Variants in JAG1 observed in about 807,000 individuals in gnomAD.
JAG1 encodes jagged canonical Notch ligand 1.
Under a neutral mutation model 148.7 loss-of-function variants are expected in JAG1, and 23 were observed. The observed-to-expected ratio is 0.15, with a 90% confidence interval of 0.11 to 0.22. The LOEUF (loss-of-function observed/expected upper bound fraction) is 0.22, where lower values mean the gene tolerates loss of function less well. JAG1 is among the 10% of genes least tolerant of loss of function. The pLI, the probability that JAG1 is intolerant of heterozygous loss-of-function variation, is 1.00. For synonymous variants in JAG1, 572 were observed against 598.3 expected (o/e 0.96, Z 0.64); for missense variants, 1,054 against 1,611.2 (o/e 0.65, Z 5.92).
chr20:10,647,812 G>A, intron 13 of JAG1, 148 bp downstream of exon 13: 1 of 864,744 alleles, frequency 1.2e-6, no homozygotes. Context: ...TCCACGTGTT[G>A]CGGCCCGCTA....
intron 18 of JAG1, chr20:10,644,658 G>A: frequency 3.1e-6 from 2 of 643,404 alleles, no homozygotes; most frequent in Non-Finnish European, 5.6e-6. Flanking sequence ...GCTGGGAACT[G>A]AGACGCCATC....
Position 10,648,738 on chromosome 20 carries a change from G to C in JAG1, c.1396-16C>G, listed in dbSNP as rs374325017. 6.2e-7 allele frequency: 1 copy of C among 1,612,888 alleles called. No homozygotes were observed. The highest frequency in any genetic ancestry group is 8.5e-7 in the Non-Finnish European group (1 of 1,178,806). ...TAACCAAATCCTAGAAGAGGAGAAGGGGAGAGAGAGACACATGCTTTTTTT... is the reference window on the plus strand; with the variant it reads ...TAACCAAATCCTAGAAGAGGAGAAGCGGAGAGAGAGACACATGCTTTTTTT... On this transcript the variant is annotated splice_polypyrimidine_tract_variant and intron_variant, in intron 11 of 25. Transcript: ENST00000254958.
At chr20:10,661,383 C>A (rs2067416178) in intron 3 of JAG1, among the ~76,000 whole-genome samples, 1 of 152,110 alleles carries the variant, frequency 6.6e-6, no homozygotes, top group Admixed American at 6.5e-5. Flanking sequence ...CAGCTTCTGC[C>A]CTGTGGAGTG....
intron 5 of JAG1, among the ~76,000 whole-genome samples, chr20:10,654,638 C>T (rs952146800): frequency 6.6e-6 from 1 of 152,164 alleles, no homozygotes. Flanking sequence ...ACTTCCTCAG[C>T]GTGAAGGTTC....
rs2122604149 is a variant in JAG1 at position 10,645,805 on chromosome 20, G to T, written c.1999+166C>A. ...GCTCCTCCCCATAAGCTATCATCAG[G>T]ACTCATAAATGCAAATGAGACACAA... On this transcript the variant is annotated intron_variant, in intron 15 of 25. Transcript: ENST00000254958. This position sits in a 1 kb window ranked among gnomAD's most constrained non-coding sequence, Gnocchi z 6.1. 1.5e-6 allele frequency: 1 copy of T among 683,258 alleles called. No homozygotes were observed. The highest frequency in any genetic ancestry group is 2.6e-6 in the Non-Finnish European group (1 of 378,238). 42.3% of individuals were successfully genotyped at this position (683,258 alleles called of 1,614,324 possible). A position where few individuals can be genotyped will look rare whatever the true frequency, so the allele number is the denominator to read the frequency against.
At position 10,642,616 on chromosome 20, in the gene JAG1, G is replaced by A; in HGVS notation, c.2459-15C>T. 1.3e-6 allele frequency: 2 copies of A among 1,521,890 alleles called. No individual in the cohort carries two copies. Among genetic ancestry groups the A allele is most frequent in the East Asian group, 2.3e-5 (1 of 44,414 alleles). 94.3% of individuals were successfully genotyped at this position (1,521,890 alleles called of 1,614,324 possible). Reference sequence around the variant, plus strand: ...TTCATTGATGTCTAGGAGAAATGGAGTTCAAGTTTAGGGACTGATGGTGTG... The same window carrying A: ...TTCATTGATGTCTAGGAGAAATGGAATTCAAGTTTAGGGACTGATGGTGTG... On this transcript the variant is annotated splice_polypyrimidine_tract_variant and intron_variant, in intron 20 of 25. Coordinates refer to ENST00000254958, the MANE Select transcript of JAG1 (RefSeq NM_000214.3).
intron 2 of JAG1, among the ~76,000 whole-genome samples, chr20:10,671,858 G>T (rs1418614916): frequency 6.6e-6 from 1 of 152,148 alleles, no homozygotes; most frequent in Non-Finnish European, 1.5e-5. Flanking sequence ...TGGGGCGGGG[G>T]GATGAGGGCC....
At chr20:10,646,262 G>C (rs2067307613) in intron 14 of JAG1, 178 bp from the exon 15 acceptor site, 1 of 644,086 alleles carries the variant, frequency 1.6e-6, no homozygotes, top group South Asian at 1.7e-5. Context: ...GAAGCTTCCA[G>C]AGAGTGCCTT....
rs181872031 is a variant in JAG1, at chr20:10,649,437, A to C, written c.1348+85T>G. On this transcript the variant is annotated intron_variant, in intron 10 of 25. Transcript: ENST00000254958. ...TCTAAGGTTTTCCTTCTACTGCTCA[A>C]GTCCTAGGACTGGAGCCCCAGTACG... 211 of 839,694 alleles carry C rather than the reference A, an allele frequency of 2.5e-4. No homozygotes were observed. The African/African-American group carries it at 3.3e-3, about 13-fold the overall frequency. 52.0% of individuals were successfully genotyped at this position (839,694 alleles called of 1,614,324 possible).
chr20:10,650,751 C>G, intron 8 of JAG1: 1 of 272,558 alleles, frequency 3.7e-6, no homozygotes, highest in Non-Finnish European at 7.2e-6. Context: ...TTATTCCTCT[C>G]ATTTGCTTAC....
chr20:10,649,722 G>A (rs138284356), intron 9 of JAG1, 87 bp from the exon 10 acceptor site: 2 of 774,164 alleles, frequency 2.6e-6, no homozygotes, highest in Non-Finnish European at 4.6e-6. Flanking sequence ...GCCAGAGTTT[G>A]TCTGAGACAT....
chr20:10,648,258 T>C, intron 12 of JAG1, 148 bp from the exon 13 acceptor site: 1 of 989,746 alleles, frequency 1.0e-6, no homozygotes, highest in Non-Finnish European at 1.6e-6. Flanking sequence ...CTCTATGCTG[T>C]AGGGACTGCC....
chr20:10,642,680 C>A, intron 20 of JAG1, 79 bp from the exon 21 acceptor site: 1 of 840,740 alleles, frequency 1.2e-6, no homozygotes, highest in Non-Finnish European at 2.1e-6. Context: ...ACATAACATA[C>A]AAGAAAAGCA....
intron 3 of JAG1, among the ~76,000 whole-genome samples, chr20:10,659,035 G>T (rs763817834): frequency 6.6e-6 from 1 of 152,138 alleles, no homozygotes; most frequent in Non-Finnish European, 1.5e-5. Flanking sequence ...TTCCTTGAAC[G>T]TATCTGCCTG....
chr20:10,658,247 C>G (rs544266637), intron 4 of JAG1, among the ~76,000 whole-genome samples: 1 of 152,258 alleles, frequency 6.6e-6, no homozygotes, highest in African/African-American at 2.4e-5. Context: ...GAGCTGTTGG[C>G]AGCCAACACA....
chr20:10,669,846 G>A (rs766868234), intron 2 of JAG1, among the ~76,000 whole-genome samples: 2 of 152,118 alleles, frequency 1.3e-5, no homozygotes, highest in Non-Finnish European at 2.9e-5. Context: ...CAGATTAACC[G>A]TTTCAGTGAT....
intron 3 of JAG1, among the ~76,000 whole-genome samples, chr20:10,663,444 G>A (rs967479240): frequency 1.3e-5 from 2 of 152,222 alleles, no homozygotes; most frequent in African/African-American, 2.4e-5. Context: ...GGCAGGTAAT[G>A]GCTGTGAAGC....
intron 6 of JAG1, 57 bp from the exon 7 acceptor site, chr20:10,652,307 A>G: frequency 1.2e-6 from 2 of 1,610,120 alleles, no homozygotes; most frequent in South Asian, 1.1e-5. Flanking sequence ...CGAACCCACC[A>G]TGTTTCTAGC....
chr20:10,639,987 C>T (rs1338633943), intron 25 of JAG1, 32 bp from the exon 26 acceptor site: 4 of 1,529,966 alleles, frequency 2.6e-6, no homozygotes, highest in Non-Finnish European at 3.6e-6. Context: ...AATTAACTCT[C>T]CAAGAAAGAA....
Sources: allele counts gnomAD v4.1 joint callset (sites outside exome capture counted in the v4.1 genomes callset), GRCh38; gene constraint gnomAD v4.1.1; non-coding constraint Gnocchi (gnomAD v3.1); transcripts MANE v1.5; gene names NCBI Gene and HGNC (gene_info 2026-07-23, HGNC 2026-07-21).